C14orf39: variants seen among roughly 807,000 people sequenced by gnomAD.
The protein encoded by C14orf39 is chromosome 14 open reading frame 39.
A neutral mutation model predicts 85.6 loss-of-function variants in C14orf39; 66 were observed. The observed-to-expected ratio is 0.77, with a 90% CI of 0.63 to 0.95. The LOEUF (loss-of-function observed/expected upper bound fraction) is 0.95, where lower values mean the gene tolerates loss of function less well. Among genes scored for constraint, C14orf39 ranks in the 40% least tolerant of loss-of-function variants. The probability of loss-of-function intolerance (pLI) is 0.00; values close to 1 mark genes in which losing one functional copy is unlikely to be tolerated. For synonymous variants in C14orf39, 242 were observed against 214.0 expected, an observed-to-expected ratio of 1.13 and a Z score of -1.14; for missense variants, 735 against 663.9, an observed-to-expected ratio of 1.11 and a Z score of -1.18.
chr14:60,459,266 A>G (rs546313025), intron 13 of C14orf39, among the ~76,000 whole-genome samples: 34 of 151,780 alleles, frequency 2.2e-4, no homozygotes, highest in Non-Finnish European at 4.4e-4. Context: ...CAAACACAAT[A>G]CATCTATCCA....
intron 13 of C14orf39, 84 bp downstream of exon 13, chr14:60,461,270 C>T (rs566817979): frequency 2.4e-5 from 29 of 1,195,014 alleles, no homozygotes; most frequent in East Asian, 7.2e-5. Context: ...TGCAAATAAT[C>T]GAAACAATTT....
rs1352403683 is a variant in C14orf39, at chr14:60,468,485, T to G, written c.727A>C (p.Lys243Gln). 1 of 1,599,326 alleles carries G rather than the reference T, an allele frequency of 6.3e-7. No individual in the cohort carries two copies. Among genetic ancestry groups the G allele is most frequent in the Non-Finnish European group, 8.5e-7 (1 of 1,171,936 alleles). ...TKALSETLEE[K>Q]NKNTENRKEL... ...TTTCTGTTTTCTGTATTTTTGTTCT[T>G]TTCTTCCAGAGTTTCTGAAAGAGCC... The change falls in exon 9 of 18, where the codon AAG becomes CAG. Residue 243 changes from lysine (K) to glutamine (Q), a missense_variant. Physicochemically the swap from Lys to Gln is moderately conservative, Grantham distance 53. Coordinates refer to ENST00000321731, the MANE Select transcript of C14orf39 (RefSeq NM_174978.3).
intron 8 of C14orf39, 88 bp downstream of exon 8, chr14:60,469,445 A>C: frequency 2.1e-6 from 1 of 486,418 alleles, no homozygotes. Context: ...AGGCTCTCTT[A>C]AAAATAGCTC....
chr14:60,438,267 T>C (rs963710999), intron 17 of C14orf39, among the ~76,000 whole-genome samples: 2 of 152,058 alleles, frequency 1.3e-5, no homozygotes, highest in Admixed American at 6.6e-5. Context: ...GACAGATGGA[T>C]AGATGGACAG....
chr14:60,471,644 T>C lies in C14orf39; in HGVS notation c.419A>G (p.Glu140Gly), dbSNP rs1395511971. The change falls in exon 6 of 18, where the codon GAG (glutamate) becomes GGG (glycine). Residue 140 changes from glutamate to glycine, a missense_variant. Coordinates refer to ENST00000321731, the MANE Select transcript of C14orf39 (RefSeq NM_174978.3). ...AATTTCTTCATGTTCTCTTTTCTTC[T>C]CATAATATTCACGTGAAAAGGGTGT... Reference protein sequence around the residue: ...SETPFSREYYEKKREHEEIQS... With the variant: ...SETPFSREYYGKKREHEEIQS... 6 of 1,610,840 alleles carry C rather than the reference T, an allele frequency of 3.7e-6. No individual in the cohort carries two copies. Among genetic ancestry groups the C allele is most frequent in the Non-Finnish European group, 4.2e-6 (5 of 1,178,124 alleles).
chr14:60,463,798 G>T lies in C14orf39; in HGVS notation c.972+2181C>A, dbSNP rs149310117. On this transcript the variant is annotated intron_variant, in intron 11 of 17. Coordinates refer to ENST00000321731, the MANE Select transcript of C14orf39 (RefSeq NM_174978.3). ...TTATTCTAGTAATGGGTCATTTTTGGTGAATATTGCAAATAAAAACTTAAC... is the reference window on the plus strand; with the variant it reads ...TTATTCTAGTAATGGGTCATTTTTGTTGAATATTGCAAATAAAAACTTAAC... Among the ~76,000 whole-genome samples, 172 of 152,036 alleles carry T rather than the reference G, an allele frequency of 1.1e-3. 1 individual carries two copies. In the East Asian group the frequency reaches 0.019, roughly 17 times the overall value.
At chr14:60,507,749 C>T (rs969462755) in intron 1 of C14orf39, among the ~76,000 whole-genome samples, 1 of 152,168 alleles carries the variant, frequency 6.6e-6, no homozygotes, top group African/African-American at 2.4e-5. Context: ...AAGCCGCATA[C>T]AAATTGTACT....
At chr14:60,502,748 C>T (rs1893163738) in intron 1 of C14orf39, among the ~76,000 whole-genome samples, 1 of 152,242 alleles carries the variant, frequency 6.6e-6, no homozygotes, top group Non-Finnish European at 1.5e-5. Context: ...AGCTGGTCCC[C>T]ACTGGGGCTT....
intron 1 of C14orf39, chr14:60,508,942 T>TAG: frequency 5.5e-6 from 1 of 180,450 alleles, no homozygotes; most frequent in Non-Finnish European, 1.2e-5. Flanking sequence ...CGCCTCTCTT[T>TAG]TTCTCCCAGA....
intron 2 of C14orf39, among the ~76,000 whole-genome samples, chr14:60,497,205 C>T (rs1005101034): frequency 5.1e-4 from 77 of 152,208 alleles, no homozygotes; most frequent in African/African-American, 1.8e-3. Flanking sequence ...TAATAACCTC[C>T]TTCTCATTCT....
At chr14:60,494,771 A>C (rs1234930328) in intron 2 of C14orf39, 2 of 152,346 alleles carry the variant, frequency 1.3e-5, no homozygotes, top group Non-Finnish European at 2.9e-5. Context: ...GGCAGAACCC[A>C]CATCTAGGGA....
chr14:60,483,612 GAAGGA>G (rs1892741496), intron 4 of C14orf39, 74 bp downstream of exon 4: 1 of 1,256,182 alleles, frequency 8.0e-7, no homozygotes, highest in Admixed American at 2.4e-5. Flanking sequence ...ATACTACTTT[GAAGGA>G]AGTATCTTCA....
chr14:60,472,172 T>C (rs1022026970), intron 5 of C14orf39, among the ~76,000 whole-genome samples: 1 of 152,040 alleles, frequency 6.6e-6, no homozygotes, highest in African/African-American at 2.4e-5. Flanking sequence ...TCTAAAACCA[T>C]ATCTTTTTAA....
intron 1 of C14orf39, chr14:60,510,018 G>A: frequency 6.6e-7 from 1 of 1,508,730 alleles, no homozygotes; most frequent in Non-Finnish European, 9.1e-7. Flanking sequence ...GGGAGGAGGC[G>A]GGTGGAGGCA....
chr14:60,461,792 A>C (rs1891548653), intron 11 of C14orf39, among the ~76,000 whole-genome samples, 199 bp from the exon 12 acceptor site: 1 of 152,154 alleles, frequency 6.6e-6, no homozygotes, highest in African/African-American at 2.4e-5. Flanking sequence ...AGAAACAAAA[A>C]AGTTTAAGAA....
At chr14:60,469,341 AAATT>A (rs1267585531) in intron 8 of C14orf39, among the ~76,000 whole-genome samples, 188 bp downstream of exon 8, 3 of 147,930 alleles carry the variant, frequency 2.0e-5, no homozygotes, top group South Asian at 2.1e-4. Flanking sequence ...TATATTAATA[AAATT>A]AATAAAAAAT....
At chr14:60,447,271 C>A (rs916729857) in intron 16 of C14orf39, among the ~76,000 whole-genome samples, 1 of 152,270 alleles carries the variant, frequency 6.6e-6, no homozygotes, top group South Asian at 2.1e-4. Context: ...TCTCTGTTTG[C>A]AGATGACATG....
intron 11 of C14orf39, 43 bp downstream of exon 11, chr14:60,465,936 C>T: frequency 2.0e-6 from 2 of 1,002,956 alleles, no homozygotes; most frequent in Non-Finnish European, 2.9e-6. Context: ...ACATTTAATG[C>T]AAGCAGGTAT....
chr14:60,484,438 T>C lies in C14orf39; in HGVS notation c.106+443A>G, dbSNP rs1383405438. 6.6e-6 allele frequency among the ~76,000 whole-genome samples: 1 copy of C among 152,192 alleles called. No individual in the cohort carries two copies. Among genetic ancestry groups the C allele is most frequent in the African/African-American group, 2.4e-5 (1 of 41,460 alleles). On this transcript the variant is annotated intron_variant, in intron 3 of 17. Coordinates refer to ENST00000321731, the MANE Select transcript of C14orf39 (RefSeq NM_174978.3). The surrounding 1 kb of genome is among the most constrained non-coding windows in gnomAD (Gnocchi z 4.2). Reference sequence around the variant, plus strand: ...TGTTTTGTTGGATCTTAAAATACTATACAGTATTTGTGTGATTTGCCTTGC... The same window carrying C: ...TGTTTTGTTGGATCTTAAAATACTACACAGTATTTGTGTGATTTGCCTTGC...
Sources: allele counts gnomAD v4.1 joint callset (sites outside exome capture counted in the v4.1 genomes callset), GRCh38; gene constraint gnomAD v4.1.1; non-coding constraint Gnocchi (gnomAD v3.1); transcripts MANE v1.5; gene names NCBI Gene and HGNC (gene_info 2026-07-23, HGNC 2026-07-21).